DSCAM: variants seen among roughly 807,000 people sequenced by gnomAD.
The protein encoded by DSCAM is DS cell adhesion molecule.
In DSCAM, 47 loss-of-function variants were observed where a neutral mutation model predicts 217.7. That is an observed-to-expected ratio of 0.22 (90% CI 0.17 to 0.28). The LOEUF is 0.28. DSCAM is among the 10% of genes least tolerant of loss of function. DSCAM has a pLI of 1.00. For synonymous variants in DSCAM, 1,056 were observed against 1,015.3 expected, an observed-to-expected ratio of 1.04 and a Z score of -0.76; for missense variants, 2,080 against 2,618.3, an observed-to-expected ratio of 0.79 and a Z score of 4.49.
At chr21:40,444,053 G>T (rs1285550974) in intron 3 of DSCAM, among the ~76,000 whole-genome samples, 1 of 152,140 alleles carries the variant, frequency 6.6e-6, no homozygotes, top group African/African-American at 2.4e-5. Flanking sequence ...AGGAAAAACT[G>T]CTGCTTTTAC....
intron 1 of DSCAM, among the ~76,000 whole-genome samples, chr21:40,756,993 G>GTT (rs2091283250): frequency 6.6e-6 from 1 of 151,410 alleles, no homozygotes; most frequent in Non-Finnish European, 1.5e-5. Flanking sequence ...GTGTGTGTGT[G>GTT]TGTGTGTGTA....
chr21:40,566,602 C>T (rs1270032092), intron 3 of DSCAM, among the ~76,000 whole-genome samples: 1 of 152,180 alleles, frequency 6.6e-6, no homozygotes, highest in African/African-American at 2.4e-5. Flanking sequence ...CAGATTATTT[C>T]TAATTCTCCC....
Position 40,133,955 on chromosome 21 carries a change from C to T in DSCAM, c.3461G>A (p.Gly1154Glu). 6.2e-7 allele frequency: 1 copy of T among 1,613,532 alleles called. No homozygotes were observed. The highest frequency in any genetic ancestry group is 1.1e-5 in the South Asian group (1 of 91,024). The change falls in exon 19 of 33, where the codon GGG (glycine) becomes GAG (glutamate). Residue 1154 changes from glycine to glutamate, a missense_variant. Gly to Glu is a moderately conservative substitution (Grantham distance 98). Transcript: ENST00000400454. ...TTTQPSLELD[G>E]LEKYTNYSIQ... Reference sequence around the variant, plus strand: ...GCTGTAGTTGGTGTACTTTTCCAGCCCGTCCAGCTCCAGTGAAGGCTGTGT... The same window carrying T: ...GCTGTAGTTGGTGTACTTTTCCAGCTCGTCCAGCTCCAGTGAAGGCTGTGT...
At chr21:40,485,449 A>T (rs1359760692) in intron 3 of DSCAM, among the ~76,000 whole-genome samples, 1 of 151,538 alleles carries the variant, frequency 6.6e-6, no homozygotes, top group Non-Finnish European at 1.5e-5. Context: ...TCACCGTGTT[A>T]GCCAGGATGG....
At chr21:40,325,898 G>T (rs1440070029) in intron 8 of DSCAM, among the ~76,000 whole-genome samples, 1 of 152,002 alleles carries the variant, frequency 6.6e-6, no homozygotes, top group African/African-American at 2.4e-5. Context: ...TTCTACTACT[G>T]GCCCTCTAGT....
intron 2 of DSCAM, among the ~76,000 whole-genome samples, chr21:40,694,845 G>C (rs191721470): frequency 6.6e-6 from 1 of 151,790 alleles, no homozygotes; most frequent in South Asian, 2.1e-4. Context: ...TGAGGTCTAC[G>C]GTAATAGATT....
At chr21:40,577,553 T>C (rs2076863340) in intron 3 of DSCAM, among the ~76,000 whole-genome samples, 1 of 151,672 alleles carries the variant, frequency 6.6e-6, no homozygotes, top group Non-Finnish European at 1.5e-5. Flanking sequence ...CATTATGTTG[T>C]ATCCAGGCAA....
Position 40,412,587 on chromosome 21 carries a change from T to C in DSCAM, c.509-43342A>G, listed in dbSNP as rs1601622580. ...TGAACTTGACAGATATGATTTAGGG[T>C]ATCTGGTGGAAGGAATTTCTAAGCA... On this transcript the variant is annotated intron_variant, in intron 3 of 32. Coordinates refer to ENST00000400454, the MANE Select transcript of DSCAM (RefSeq NM_001389.5). Among the ~76,000 whole-genome samples, 5 of 152,250 alleles carry C rather than the reference T, an allele frequency of 3.3e-5. 1 individual carries two copies. The South Asian group carries it at 1.0e-3, about 32-fold the overall frequency.
chr21:40,194,145 T>C (rs898095974), intron 11 of DSCAM, among the ~76,000 whole-genome samples: 2 of 152,212 alleles, frequency 1.3e-5, no homozygotes, highest in African/African-American at 2.4e-5. Context: ...ACAATACTCC[T>C]CAGTTTTATT....
At chr21:40,532,895 T>C (rs1217383850) in intron 3 of DSCAM, among the ~76,000 whole-genome samples, 7 of 133,700 alleles carry the variant, frequency 5.2e-5, no homozygotes, top group East Asian at 3.0e-4. Context: ...TGTGTGTGTG[T>C]GTGTGTGTGT....
chr21:40,563,830 ATATATGTTTATATGTTTATATATGTT>A lies in DSCAM; in HGVS notation c.508+128954_508+128979del, dbSNP rs2076745225. On this transcript the variant is annotated intron_variant, in intron 3 of 32. Transcript: ENST00000400454. The stretch of plus-strand genomic sequence containing the variant: ...TATGTGTATATATAGTTATATGTTT[ATATATGTTTATATGTTTATATATGTT>A]TATATGTTTATATATAGTTATATGT... Among the ~76,000 whole-genome samples the A allele has an allele frequency of 3.6e-5, 5 of 137,922 alleles. 1 individual carries two copies. In the South Asian group the frequency reaches 1.1e-3, roughly 30 times the overall value. The allele number at this position is 137,922 out of a possible 152,430, so 90.5% of individuals were successfully genotyped here. A position where few individuals can be genotyped will look rare whatever the true frequency, so the allele number is the denominator to read the frequency against.
intron 3 of DSCAM, among the ~76,000 whole-genome samples, chr21:40,679,712 T>C (rs2090379386): frequency 6.6e-6 from 1 of 152,224 alleles, no homozygotes; most frequent in Non-Finnish European, 1.5e-5. Context: ...TATCATACTT[T>C]TGCTATTTAA....
At chr21:40,132,992 C>A (rs1000849193) in intron 19 of DSCAM, among the ~76,000 whole-genome samples, 1 of 152,190 alleles carries the variant, frequency 6.6e-6, no homozygotes, top group East Asian at 1.9e-4. Context: ...GTTGCAGAGA[C>A]AATCCAGCAC....
At chr21:40,586,189 T>A (rs1246550447) in intron 3 of DSCAM, among the ~76,000 whole-genome samples, 1 of 152,140 alleles carries the variant, frequency 6.6e-6, no homozygotes, top group Non-Finnish European at 1.5e-5. Context: ...TGCCATGGGA[T>A]CTCTGTGCAG....
intron 11 of DSCAM, among the ~76,000 whole-genome samples, chr21:40,216,502 T>C (rs759237449): frequency 6.6e-6 from 1 of 152,182 alleles, no homozygotes; most frequent in Non-Finnish European, 1.5e-5. Context: ...GTCCGTCTAT[T>C]TTAGAATCTT....
At chr21:40,828,859 T>C (rs1014750376) in intron 1 of DSCAM, among the ~76,000 whole-genome samples, 2 of 152,296 alleles carry the variant, frequency 1.3e-5, no homozygotes, top group East Asian at 1.9e-4. Flanking sequence ...GGTTTCACCA[T>C]GTTGGCCAGG....
intron 3 of DSCAM, among the ~76,000 whole-genome samples, chr21:40,493,110 A>C (rs73362920): frequency 1.3e-5 from 2 of 152,330 alleles, no homozygotes; most frequent in East Asian, 3.9e-4. Context: ...AAAACTGCCA[A>C]TTCAACAAAC....
intron 3 of DSCAM, among the ~76,000 whole-genome samples, chr21:40,430,498 G>A (rs1173085988): frequency 1.3e-5 from 2 of 152,158 alleles, no homozygotes; most frequent in East Asian, 1.9e-4. Context: ...TCCTGCTCTC[G>A]AACATTAGAC....
chr21:40,821,137 C>CATATATAGAGAGATATATATCTTCACAT, intron 1 of DSCAM, among the ~76,000 whole-genome samples: 1 of 138,266 alleles, frequency 7.2e-6, no homozygotes, highest in Non-Finnish European at 1.5e-5. Flanking sequence ...TATATCTTCA[C>CATATATAGAGAGATATATATCTTCACAT]ATATATATAT....
Sources: gnomAD v4.1 joint callset for allele counts (sites outside exome capture counted in the v4.1 genomes callset) on GRCh38, gnomAD v4.1.1 for gene constraint, MANE v1.5 for transcripts, NCBI Gene and HGNC (gene_info 2026-07-23, HGNC 2026-07-21) for gene names.